Variants in PCDH15 observed in about 807,000 individuals in gnomAD.
PCDH15 encodes the protein protocadherin-15.
Under a neutral mutation model 178.5 loss-of-function variants are expected in PCDH15, and 129 were observed. The ratio of observed to expected loss-of-function variants is 0.72; its 90% CI spans 0.63 to 0.84. PCDH15 has a LOEUF of 0.84. PCDH15 is among the 40% of genes least tolerant of loss of function. PCDH15 has a pLI of 0.00. For synonymous variants in PCDH15, 800 were observed against 732.0 expected, an observed-to-expected ratio of 1.09 and a Z score of -1.50; for missense variants, 2,230 against 2,099.9, an observed-to-expected ratio of 1.06 and a Z score of -1.21.
At chr10:55,528,102 T>C (rs1463956391) in intron 2 of PCDH15, among the ~76,000 whole-genome samples, 1 of 152,038 alleles carries the variant, frequency 6.6e-6, no homozygotes, top group Non-Finnish European at 1.5e-5. Context: ...AGTGGCACAA[T>C]TGTGGCTCAC....
chr10:54,873,956 TTTTA>T (rs1373119591), intron 3 of PCDH15, among the ~76,000 whole-genome samples: 4 of 150,218 alleles, frequency 2.7e-5, no homozygotes, highest in Non-Finnish European at 4.4e-5. Flanking sequence ...CTTTTTTTTC[TTTTA>T]TTTATTTATT....
chr10:54,092,100 T>C (rs1273452263), intron 15 of PCDH15, among the ~76,000 whole-genome samples: 1 of 152,132 alleles, frequency 6.6e-6, no homozygotes, highest in Admixed American at 6.6e-5. Flanking sequence ...TAATCTATTG[T>C]TTTCACTGCT....
At chr10:54,806,850 A>T (rs1591712063) in intron 3 of PCDH15, among the ~76,000 whole-genome samples, 1 of 152,104 alleles carries the variant, frequency 6.6e-6, no homozygotes, top group South Asian at 2.1e-4. Context: ...GGCTCCTCTT[A>T]GTTCCTTATG....
intron 18 of PCDH15, among the ~76,000 whole-genome samples, chr10:54,040,780 T>G (rs1344144068): frequency 4.6e-5 from 7 of 152,076 alleles, no homozygotes; most frequent in Non-Finnish European, 7.4e-5. Flanking sequence ...CAAATGTGAT[T>G]TTTTGAATTC....
At chr10:54,359,552 C>A (rs1945657361) in intron 5 of PCDH15, among the ~76,000 whole-genome samples, 1 of 151,882 alleles carries the variant, frequency 6.6e-6, no homozygotes, top group Non-Finnish European at 1.5e-5. Flanking sequence ...TTGAATATAT[C>A]ATTTAATATA....
At chr10:55,020,375 T>C (rs1840292884) in intron 2 of PCDH15, among the ~76,000 whole-genome samples, 1 of 148,928 alleles carries the variant, frequency 6.7e-6, no homozygotes, top group Non-Finnish European at 1.5e-5. Flanking sequence ...TATAAAGTAA[T>C]GAGAATGCAA....
intron 25 of PCDH15, among the ~76,000 whole-genome samples, chr10:53,926,525 C>G (rs984147323): frequency 3.3e-5 from 5 of 152,242 alleles, no homozygotes; most frequent in African/African-American, 1.2e-4. Context: ...GATTCTTTTA[C>G]TTATCTACTT....
intron 18 of PCDH15, among the ~76,000 whole-genome samples, chr10:54,046,192 C>CAT (rs2093651901): frequency 1.3e-5 from 2 of 152,162 alleles, no homozygotes; most frequent in Admixed American, 1.3e-4. Context: ...ATACCAAGCA[C>CAT]ACAGACAGGA....
rs192205056 is a variant in PCDH15, at chr10:54,443,236, T to C, written c.158-64294A>G. Among the ~76,000 whole-genome samples, 1,013 of 151,724 alleles carry C rather than the reference T, an allele frequency of 6.7e-3. 5 individuals are homozygous for C. Among genetic ancestry groups the C allele is most frequent in the Non-Finnish European group, 0.01 (710 of 67,730 alleles). ...ATCATGAGATAAGTCTCCTTCTTAG[T>C]CCCTATATTAAATATCTTTTTACAT... On this transcript the variant is annotated intron_variant, in intron 3 of 37. Coordinates refer to ENST00000644397, the MANE Select transcript of PCDH15 (RefSeq NM_001384140.1).
chr10:54,610,449 G>T (rs1309860904), intron 2 of PCDH15, among the ~76,000 whole-genome samples: 2 of 151,806 alleles, frequency 1.3e-5, no homozygotes, highest in South Asian at 2.1e-4. Context: ...ATTTCAAGAG[G>T]TTAACTAATA....
chr10:55,111,910 C>T (rs1349686526), intron 2 of PCDH15, among the ~76,000 whole-genome samples: 3 of 152,100 alleles, frequency 2.0e-5, no homozygotes, highest in Non-Finnish European at 2.9e-5. Context: ...TCACTGTTAT[C>T]TGTGTTTCAC....
chr10:54,984,669 T>G (rs546829348), intron 2 of PCDH15, among the ~76,000 whole-genome samples: 1 of 152,132 alleles, frequency 6.6e-6, no homozygotes, highest in South Asian at 2.1e-4. Flanking sequence ...TAAGACACTG[T>G]CTCTACAAAA....
intron 3 of PCDH15, among the ~76,000 whole-genome samples, chr10:54,844,284 A>G (rs1953467213): frequency 6.6e-6 from 1 of 152,060 alleles, no homozygotes; most frequent in Non-Finnish European, 1.5e-5. Flanking sequence ...AGACAGAGAA[A>G]AAGAACAAAC....
chr10:54,421,847 CTATATATATATATA>C (rs372564880), intron 3 of PCDH15, among the ~76,000 whole-genome samples: 21 of 93,498 alleles, frequency 2.2e-4, no homozygotes, highest in African/African-American at 1.2e-3. Flanking sequence ...TACACACACA[CTATATATATATATA>C]TACACACACT....
At chr10:54,537,583 G>A (rs1052180625) in intron 2 of PCDH15, among the ~76,000 whole-genome samples, 16 of 152,130 alleles carry the variant, frequency 1.1e-4, no homozygotes, top group Non-Finnish European at 2.2e-4. Flanking sequence ...CCATTATCAA[G>A]TAGGCTTCAT....
chr10:54,189,919 A>ATGCATG (rs2048820244), intron 11 of PCDH15, among the ~76,000 whole-genome samples: 1 of 108,750 alleles, frequency 9.2e-6, no homozygotes, highest in East Asian at 2.1e-4. Flanking sequence ...GTATACATGC[A>ATGCATG]TGTGTATGTG....
At chr10:55,085,507 C>G (rs953111878) in intron 2 of PCDH15, among the ~76,000 whole-genome samples, 1 of 151,624 alleles carries the variant, frequency 6.6e-6, no homozygotes, top group African/African-American at 2.4e-5. Flanking sequence ...GTTTATAACA[C>G]AAAGAAAGGA....
At chr10:54,381,486 C>T (rs1949233262) in intron 3 of PCDH15, among the ~76,000 whole-genome samples, 2 of 152,054 alleles carry the variant, frequency 1.3e-5, no homozygotes, top group Admixed American at 1.3e-4. Flanking sequence ...GCCAATAAAC[C>T]TTTTGCTTAA....
chr10:55,347,031 T>C (rs1844779887), intron 2 of PCDH15, among the ~76,000 whole-genome samples: 1 of 151,768 alleles, frequency 6.6e-6, no homozygotes, highest in Non-Finnish European at 1.5e-5. Context: ...CTGGGCAACA[T>C]GGCAAAACCC....
Sources: gnomAD v4.1 joint callset for allele counts (sites outside exome capture counted in the v4.1 genomes callset) on GRCh38, gnomAD v4.1.1 for gene constraint, MANE v1.5 for transcripts, NCBI Gene and HGNC (gene_info 2026-07-23, HGNC 2026-07-21) for gene names.